The following ABRA variants were observed in gnomAD, a reference collection of about 807,000 sequenced individuals.
ABRA encodes actin binding Rho activating protein.
Under a neutral mutation model 33.4 loss-of-function variants are expected in ABRA, and 25 were observed. That is an observed-to-expected ratio of 0.75 (90% CI 0.55 to 1.04). ABRA has a LOEUF of 1.04. ABRA is among the 50% of genes least tolerant of loss of function. The probability of loss-of-function intolerance (pLI) is 0.00; values close to 1 mark genes in which losing one functional copy is unlikely to be tolerated. For synonymous variants in ABRA, 193 were observed against 176.8 expected, an observed-to-expected ratio of 1.09 and a Z score of -0.73; for missense variants, 501 against 491.7, an observed-to-expected ratio of 1.02 and a Z score of -0.18.
In ABRA at chr8:106,770,084, C is replaced by A. The variant is rs1226321098; in HGVS notation, c.107G>T (p.Trp36Leu). 6.2e-7 allele frequency: 1 copy of A among 1,613,986 alleles called. No homozygotes were observed. ...VISLARGWQQ[W>L]ANENSIRQAQ... The stretch of plus-strand genomic sequence containing the variant: ...CTGCCTGATGCTGTTCTCATTCGCC[C>A]ACTGCTGCCAACCTCGGGCCAAGCT... The change falls in exon 1 of 2, where the codon TGG (tryptophan) becomes TTG (leucine). Residue 36 changes from tryptophan to leucine, a missense_variant. By Grantham distance (61) the Trp-to-Leu change is moderately conservative (BLOSUM62 -2). Coordinates refer to ENST00000311955, the MANE Select transcript of ABRA (RefSeq NM_139166.5).
rs140322632 is a variant in ABRA at position 106,769,940 on chromosome 8, C to A, written c.251G>T (p.Arg84Leu). 6.2e-7 allele frequency: 1 copy of A among 1,614,018 alleles called. No individual in the cohort carries two copies. The highest frequency in any genetic ancestry group is 1.1e-5 in the South Asian group (1 of 91,068). ...KAQSAPKSPP[R>L]LPEGHGDGQS... ...TCCATCTCCATGTCCTTCTGGCAGG[C>A]GGGGTGGCGACTTTGGGGCACTCTG... The change falls in exon 1 of 2, where the codon CGC becomes CTC. Residue 84 changes from arginine to leucine, a missense_variant. Physicochemically the swap from Arg to Leu is moderately radical, Grantham distance 102. Coordinates refer to ENST00000311955, the MANE Select transcript of ABRA (RefSeq NM_139166.5).
intron 1 of ABRA, among the ~76,000 whole-genome samples, chr8:106,767,821 C>T (rs962878203): frequency 2.6e-5 from 4 of 152,078 alleles, no homozygotes; most frequent in African/African-American, 9.7e-5. Flanking sequence ...CTCTTTAGGC[C>T]GCGTGCGGTG....
rs1479195003 is a variant in ABRA at position 106,759,943 on chromosome 8, T to G, written c.*1094A>C. 6.6e-6 allele frequency: 1 copy of G among 152,244 alleles called. No individual in the cohort carries two copies. Among genetic ancestry groups the G allele is most frequent in the Non-Finnish European group, 1.5e-5 (1 of 68,036 alleles). 9.4% of individuals were successfully genotyped at this position (152,244 alleles called of 1,614,324 possible). A position where few individuals can be genotyped will look rare whatever the true frequency, so the allele number is the denominator to read the frequency against. ...TACTTTGGCAGAACTAATATTGCAGTTTTATGACTTAAACATTTCATAAAG... is the reference window on the plus strand; with the variant it reads ...TACTTTGGCAGAACTAATATTGCAGGTTTATGACTTAAACATTTCATAAAG... On this transcript the variant is annotated 3_prime_UTR_variant, in exon 2 of 2. Transcript: ENST00000311955.
intron 1 of ABRA, among the ~76,000 whole-genome samples, chr8:106,766,184 G>C (rs1836217555): frequency 6.6e-6 from 1 of 152,086 alleles, no homozygotes; most frequent in Non-Finnish European, 1.5e-5. Context: ...TTTGTCTAAA[G>C]GAACTGGATT....
intron 1 of ABRA, among the ~76,000 whole-genome samples, chr8:106,765,642 G>A (rs1413241604): frequency 6.6e-6 from 1 of 152,118 alleles, no homozygotes; most frequent in Non-Finnish European, 1.5e-5. Context: ...AAGGCAATAT[G>A]AACATTTCTG....
At chr8:106,767,969 C>T (rs1810529332) in intron 1 of ABRA, among the ~76,000 whole-genome samples, 1 of 151,910 alleles carries the variant, frequency 6.6e-6, no homozygotes, top group South Asian at 2.1e-4. Context: ...GTGGTGTGCA[C>T]CTGTAATCCC....
rs750023998 is a variant in ABRA at position 106,761,152 on chromosome 8, G to A, written c.1031C>T (p.Ser344Leu). The change falls in exon 2 of 2, where the codon TCA (serine) becomes TTA (leucine). Residue 344 changes from serine (S) to leucine (L), a missense_variant. Coordinates refer to ENST00000311955, the MANE Select transcript of ABRA (RefSeq NM_139166.5). Reference sequence around the variant, plus strand: ...CATGAGAATGCCCACTACTTTATCTGAAATACGAACGTATCTGTCAAAGAG... The same window carrying A: ...CATGAGAATGCCCACTACTTTATCTAAAATACGAACGTATCTGTCAAAGAG... ...GDLFDRYVRISDKVVGILMRA... is the reference protein window; with the variant it reads ...GDLFDRYVRILDKVVGILMRA... 1 of 1,614,158 alleles carries A rather than the reference G, an allele frequency of 6.2e-7. No homozygotes were observed. The highest frequency in any genetic ancestry group is 8.5e-7 in the Non-Finnish European group (1 of 1,180,040).
At chr8:106,765,812 G>A (rs974543257) in intron 1 of ABRA, among the ~76,000 whole-genome samples, 3 of 152,126 alleles carry the variant, frequency 2.0e-5, no homozygotes, top group African/African-American at 7.2e-5. Flanking sequence ...TGTTTCTTGT[G>A]AGATCCTTCA....
intron 1 of ABRA, among the ~76,000 whole-genome samples, chr8:106,765,409 T>C (rs891988131): frequency 1.3e-5 from 2 of 152,210 alleles, no homozygotes; most frequent in African/African-American, 2.4e-5. Flanking sequence ...GGGCTTTCAC[T>C]GCCAACTCCA....
intron 1 of ABRA, among the ~76,000 whole-genome samples, chr8:106,768,711 C>T (rs555647147): frequency 6.6e-6 from 1 of 152,254 alleles, no homozygotes; most frequent in Non-Finnish European, 1.5e-5. Flanking sequence ...TTGGCTCACT[C>T]CGACATCAGC....
intron 1 of ABRA, among the ~76,000 whole-genome samples, chr8:106,763,608 C>T (rs1369277496): frequency 6.6e-6 from 1 of 152,134 alleles, no homozygotes; most frequent in South Asian, 2.1e-4. Context: ...GAGCAAATAC[C>T]TTGTCCCTTG....
At chr8:106,768,764 G>A (rs898256696) in intron 1 of ABRA, among the ~76,000 whole-genome samples, 1 of 152,182 alleles carries the variant, frequency 6.6e-6, no homozygotes, top group African/African-American at 2.4e-5. Flanking sequence ...CTCCCGGGTA[G>A]CTGGGATTAC....
intron 1 of ABRA, among the ~76,000 whole-genome samples, chr8:106,768,680 C>T (rs1810542844): frequency 6.6e-6 from 1 of 152,178 alleles, no homozygotes; most frequent in Non-Finnish European, 1.5e-5. Flanking sequence ...GTTGCCCAGG[C>T]TGGAGTACAG....
Position 106,769,881 on chromosome 8 carries a change from T to C in ABRA, c.310A>G (p.Ile104Val). The C allele has an allele frequency of 6.2e-7, 1 of 1,614,132 alleles. No homozygotes were observed. Among genetic ancestry groups the C allele is most frequent in the Non-Finnish European group, 8.5e-7 (1 of 1,179,996 alleles). The change falls in exon 1 of 2, where the codon ATC becomes GTC. Residue 104 changes from isoleucine (I) to valine (V), a missense_variant. Physicochemically the swap from Ile to Val is conservative, Grantham distance 29 (BLOSUM62 3). Coordinates refer to ENST00000311955, the MANE Select transcript of ABRA (RefSeq NM_139166.5). ...SSEKAPEVSH[I>V]KKKEVSKTVV... is the part of the protein sequence containing the mutation. The stretch of plus-strand genomic sequence containing the variant: ...GTTTTGGACACCTCTTTCTTTTTGA[T>C]GTGAGAAACCTCAGGGGCTTTCTCT...
Position 106,761,247 on chromosome 8 carries a change from G to A in ABRA, c.936C>T (p.Asp312=). 1 of 1,614,194 alleles carries A rather than the reference G, an allele frequency of 6.2e-7. No homozygotes were observed. Among genetic ancestry groups the A allele is most frequent in the Non-Finnish European group, 8.5e-7 (1 of 1,180,036 alleles). ...AEEHIYREMM[D]MCFIICTMAR... is the part of the protein sequence containing the mutation. Reference sequence around the variant, plus strand: ...CCATTGTGCAGATAATGAAGCACATGTCCATCATTTCCCTGTAGATGTGCT... The same window carrying A: ...CCATTGTGCAGATAATGAAGCACATATCCATCATTTCCCTGTAGATGTGCT... Residue 312 remains aspartate (D), a synonymous_variant, in exon 2 of 2, where the codon GAC becomes GAT. Coordinates refer to ENST00000311955, the MANE Select transcript of ABRA (RefSeq NM_139166.5).
chr8:106,762,651 C>T (rs545599928), intron 1 of ABRA, among the ~76,000 whole-genome samples: 7 of 151,976 alleles, frequency 4.6e-5, no homozygotes, highest in South Asian at 4.2e-4. Flanking sequence ...CAGCACACAC[C>T]GGGGCCTGTT....
chr8:106,768,798 T>A (rs1810544510), intron 1 of ABRA, among the ~76,000 whole-genome samples: 1 of 152,156 alleles, frequency 6.6e-6, no homozygotes, highest in Admixed American at 6.5e-5. Context: ...TGTGCCTAGC[T>A]ATTTTTGTGT....
intron 1 of ABRA, 86 bp downstream of exon 1, chr8:106,769,437 G>T: frequency 6.6e-7 from 1 of 1,515,018 alleles, no homozygotes; most frequent in South Asian, 1.3e-5. Flanking sequence ...ACCCTGGCAG[G>T]ACTTCATCTG....
rs1176074803 is a variant in ABRA, at chr8:106,759,698, T to C, written c.*1339A>G. ...AGAGACTCATACATGAAAACAAATATAATTCTTATAGCAGTCTAATACCTA... is the reference window on the plus strand; with the variant it reads ...AGAGACTCATACATGAAAACAAATACAATTCTTATAGCAGTCTAATACCTA... On this transcript the variant is annotated 3_prime_UTR_variant, in exon 2 of 2. Transcript: ENST00000311955. 6.6e-6 allele frequency: 1 copy of C among 152,206 alleles called. No homozygotes were observed. The highest frequency in any genetic ancestry group is 1.5e-5 in the Non-Finnish European group (1 of 68,014). The allele number at this position is 152,206 out of a possible 1,614,324, so 9.4% of individuals were successfully genotyped here.
Sources: gnomAD v4.1 joint callset for allele counts (sites outside exome capture counted in the v4.1 genomes callset) on GRCh38, gnomAD v4.1.1 for gene constraint, MANE v1.5 for transcripts, NCBI Gene and HGNC (gene_info 2026-07-23, HGNC 2026-07-21) for gene names.